Variants in FAM222A observed in about 807,000 individuals in gnomAD.
FAM222A encodes family with sequence similarity 222 member A.
In FAM222A, 7 loss-of-function variants were observed where a neutral mutation model predicts 25.8. That is an observed-to-expected ratio of 0.27 (90% CI 0.15 to 0.51). The LOEUF (loss-of-function observed/expected upper bound fraction) is 0.51. Ranked by LOEUF, FAM222A falls within the 20% of genes least tolerant of loss-of-function variation. FAM222A has a pLI of 0.97. For synonymous variants in FAM222A, 294 were observed against 298.8 expected (o/e 0.98, Z 0.17); for missense variants, 573 against 640.5 (o/e 0.89, Z 1.14).
At chr12:109,751,171 CCT>C (rs2136358390) in intron 2 of FAM222A, among the ~76,000 whole-genome samples, 1 of 152,168 alleles carries the variant, frequency 6.6e-6, no homozygotes, top group Non-Finnish European at 1.5e-5. Flanking sequence ...GTTTTCTGCA[CCT>C]CTTTTTTTTT....
At chr12:109,757,078 A>G (rs1461695805) in intron 2 of FAM222A, among the ~76,000 whole-genome samples, 1 of 152,224 alleles carries the variant, frequency 6.6e-6, no homozygotes, top group Non-Finnish European at 1.5e-5. Flanking sequence ...ATGTCTTTCT[A>G]GGAATTTGTC....
chr12:109,744,130 G>C lies in FAM222A; in HGVS notation c.-17G>C, dbSNP rs1235946382. On this transcript the variant is annotated 5_prime_UTR_variant, in exon 2 of 3. Transcript: ENST00000538780. ...CCAGTCGCAGAGCGCACCCCACTGGGGACCCCCAGCTCAGCCATGCTGGCC... is the reference window on the plus strand; with the variant it reads ...CCAGTCGCAGAGCGCACCCCACTGGCGACCCCCAGCTCAGCCATGCTGGCC... 1 of 1,611,500 alleles carries C rather than the reference G, an allele frequency of 6.2e-7. No individual in the cohort carries two copies. The highest frequency in any genetic ancestry group is 1.3e-5 in the African/African-American group (1 of 74,900).
chr12:109,718,503 G>C (rs1170452252), intron 1 of FAM222A, among the ~76,000 whole-genome samples: 1 of 152,182 alleles, frequency 6.6e-6, no homozygotes, highest in East Asian at 1.9e-4. Context: ...GCTCGGGGCG[G>C]GGGTGAGAAC....
At chr12:109,724,802 C>G (rs1351748589) in intron 1 of FAM222A, among the ~76,000 whole-genome samples, 1 of 152,060 alleles carries the variant, frequency 6.6e-6, no homozygotes, top group Non-Finnish European at 1.5e-5. Context: ...AATGTCTTCC[C>G]AAGTTTCTAA....
chr12:109,734,227 G>A (rs924065743), intron 1 of FAM222A: 2 of 139,950 alleles, frequency 1.4e-5, no homozygotes, highest in Admixed American at 7.1e-5. Flanking sequence ...AAAAAAAAAA[G>A]CTATGGAAGC....
intron 1 of FAM222A, among the ~76,000 whole-genome samples, chr12:109,718,677 C>CTGCGGT (rs1001269090): frequency 4.6e-5 from 7 of 152,254 alleles, no homozygotes; most frequent in South Asian, 4.1e-4. Context: ...GGGAGGAGGG[C>CTGCGGT]TGCGGTGCCG....
chr12:109,730,581 C>T (rs147305880), intron 1 of FAM222A, among the ~76,000 whole-genome samples: 54 of 152,276 alleles, frequency 3.5e-4, no homozygotes, highest in Non-Finnish European at 7.1e-4. Flanking sequence ...AGCCTGTCCT[C>T]GGAAGGACCC....
At chr12:109,748,870 T>C (rs1210903949) in intron 2 of FAM222A, among the ~76,000 whole-genome samples, 2 of 152,210 alleles carry the variant, frequency 1.3e-5, no homozygotes, top group African/African-American at 4.8e-5. Context: ...TTTGTGCTTT[T>C]ATCTTTATTA....
chr12:109,718,026 C>T (rs930550978), intron 1 of FAM222A, among the ~76,000 whole-genome samples: 1 of 152,164 alleles, frequency 6.6e-6, no homozygotes, highest in African/African-American at 2.4e-5. Context: ...GGGTGAGTAC[C>T]TTTGCCTCTC....
intron 2 of FAM222A, among the ~76,000 whole-genome samples, chr12:109,753,971 G>A (rs2136363723): frequency 6.6e-6 from 1 of 152,352 alleles, no homozygotes; most frequent in South Asian, 2.1e-4. Context: ...TACCAAGCCT[G>A]CAAGAGGACA....
intron 2 of FAM222A, 134 bp from the exon 3 acceptor site, chr12:109,767,878 G>A (rs1448081925): frequency 3.3e-6 from 3 of 918,172 alleles, no homozygotes; most frequent in East Asian, 2.7e-5. Context: ...ACTGAAATTC[G>A]AAGTTTAAAA....
intron 1 of FAM222A, chr12:109,734,841 G>A (rs1462160654): frequency 6.6e-6 from 1 of 152,226 alleles, no homozygotes; most frequent in Non-Finnish European, 1.5e-5. Context: ...TTAGAGACAC[G>A]ACGCCCCTCT....
intron 2 of FAM222A, among the ~76,000 whole-genome samples, chr12:109,749,964 T>C (rs1161141180): frequency 1.3e-5 from 2 of 152,246 alleles, no homozygotes; most frequent in Non-Finnish European, 2.9e-5. Flanking sequence ...GTGACTCATA[T>C]ACTATAGAGT....
chr12:109,723,003 G>C (rs970056744), intron 1 of FAM222A, among the ~76,000 whole-genome samples: 6 of 112,158 alleles, frequency 5.3e-5, no homozygotes, highest in East Asian at 1.2e-3. Flanking sequence ...GGGAGCGGGT[G>C]GGGGGGGGAG....
rs371399526 is a variant in FAM222A, at chr12:109,769,021, G to T, written c.1092G>T (p.Ala364=). The stretch of plus-strand genomic sequence containing the variant: ...CCACCAGCGACTGCTACAACCCAGC[G>T]GCGGCGGTGGTGGTCACGGAGCTGG... ...VTPTSDCYNP[A]AAVVVTELGP... is the part of the protein sequence containing the mutation. Residue 364 remains alanine (A), a synonymous_variant, in exon 3 of 3, where the codon GCG becomes GCT. Transcript: ENST00000538780. 2 of 1,580,644 alleles carry T rather than the reference G, an allele frequency of 1.3e-6. No individual in the cohort carries two copies. The highest frequency in any genetic ancestry group is 2.7e-5 in the African/African-American group (2 of 74,464).
At chr12:109,765,551 C>A (rs1889022603) in intron 2 of FAM222A, among the ~76,000 whole-genome samples, 1 of 152,246 alleles carries the variant, frequency 6.6e-6, no homozygotes, top group African/African-American at 2.4e-5. Context: ...TTCTCCCTCC[C>A]TTTTCACCTC....
chr12:109,736,056 C>T (rs1814693410), intron 1 of FAM222A: 1 of 152,398 alleles, frequency 6.6e-6, no homozygotes, highest in Admixed American at 6.5e-5. Context: ...TTCTCTGAGT[C>T]CCTGTCCTGA....
chr12:109,722,842 A>T (rs908265277), intron 1 of FAM222A: 5 of 152,226 alleles, frequency 3.3e-5, no homozygotes, highest in Non-Finnish European at 7.3e-5. Context: ...CAGGCCGGAG[A>T]TATAATTAGT....
chr12:109,742,543 C>T (rs1006195331), intron 1 of FAM222A, among the ~76,000 whole-genome samples: 1 of 151,446 alleles, frequency 6.6e-6, no homozygotes, highest in East Asian at 1.9e-4. Context: ...TTAAGGCTGG[C>T]GATTGGGGAG....
Sources: gnomAD v4.1 joint callset for allele counts (sites outside exome capture counted in the v4.1 genomes callset) on GRCh38, gnomAD v4.1.1 for gene constraint, MANE v1.5 for transcripts, NCBI Gene and HGNC (gene_info 2026-07-23, HGNC 2026-07-21) for gene names.